GRB10: variants seen among roughly 807,000 people sequenced by gnomAD.
The protein encoded by GRB10 is growth factor receptor-bound protein 10.
A neutral mutation model predicts 80.9 loss-of-function variants in GRB10; 20 were observed. That is an observed-to-expected ratio of 0.25 (90% CI 0.17 to 0.36). The LOEUF is 0.36. Among genes scored for constraint, GRB10 ranks in the 10% least tolerant of loss-of-function variants. The pLI, the probability that GRB10 is intolerant of heterozygous loss-of-function variation, is 1.00. For synonymous variants in GRB10, 291 were observed against 291.5 expected, an observed-to-expected ratio of 1.00 and a Z score of 0.02; for missense variants, 548 against 747.7, an observed-to-expected ratio of 0.73 and a Z score of 3.12.
At chr7:50,765,314 T>C (rs1235350992) in intron 2 of GRB10, among the ~76,000 whole-genome samples, 3 of 152,204 alleles carry the variant, frequency 2.0e-5, no homozygotes, top group Non-Finnish European at 4.4e-5. Flanking sequence ...ATTTCACTGC[T>C]GGGTATATAC....
intron 7 of GRB10, among the ~76,000 whole-genome samples, chr7:50,657,131 T>C (rs1369946387): frequency 3.9e-5 from 6 of 152,236 alleles, no homozygotes; most frequent in Non-Finnish European, 7.3e-5. Context: ...ACTTATGAGA[T>C]GTTAAATAAC....
chr7:50,724,529 G>A (rs1022788335), intron 4 of GRB10, among the ~76,000 whole-genome samples: 1 of 152,204 alleles, frequency 6.6e-6, no homozygotes, highest in Non-Finnish European at 1.5e-5. Flanking sequence ...TCAACATTGT[G>A]CTACAATGAG....
chr7:50,709,291 G>A (rs1192535668), intron 4 of GRB10, among the ~76,000 whole-genome samples: 1 of 152,174 alleles, frequency 6.6e-6, no homozygotes, highest in African/African-American at 2.4e-5. Context: ...GAGGAGAATG[G>A]TTTCTGTCTG....
Position 50,732,201 on chromosome 7 carries a change from T to C in GRB10, c.51+71A>G. 1.4e-6 allele frequency: 2 copies of C among 1,475,782 alleles called. 1 individual carries two copies. Among genetic ancestry groups the C allele is most frequent in the South Asian group, 2.3e-5 (2 of 88,304 alleles). 91.4% of individuals were successfully genotyped at this position (1,475,782 alleles called of 1,614,324 possible). A position where few individuals can be genotyped will look rare whatever the true frequency, so the allele number is the denominator to read the frequency against. On this transcript the variant is annotated intron_variant, in intron 4 of 18. Coordinates refer to ENST00000401949, the MANE Select transcript of GRB10 (RefSeq NM_001350814.2). The stretch of plus-strand genomic sequence containing the variant: ...AGCTACAGAAACGATCCATGGCTGC[T>C]GGCGACATGTGTGCCCTGGCCCTCG...
At chr7:50,788,601 C>T (rs774105106) in intron 1 of GRB10, among the ~76,000 whole-genome samples, 25 of 152,284 alleles carry the variant, frequency 1.6e-4, no homozygotes, top group Middle Eastern at 3.4e-3. Context: ...GACCAACACA[C>T]GCCAAAGTGC....
rs537442112 is a variant in GRB10, at chr7:50,633,434, TA to T, written c.505-6457del. Among the ~76,000 whole-genome samples, 24 of 152,124 alleles carry T rather than the reference TA, an allele frequency of 1.6e-4. 1 individual carries two copies. The South Asian group carries it at 4.4e-3, about 28-fold the overall frequency. On this transcript the variant is annotated intron_variant, in intron 7 of 18. Coordinates refer to ENST00000401949, the MANE Select transcript of GRB10 (RefSeq NM_001350814.2). ...AGAAAAAATACCAAGCAAATGAAAG[TA>T]AATTCAAAAATAAGTAGTGACCGCT...
At chr7:50,604,268 TTTTC>T (rs984250109) in intron 16 of GRB10, 39 bp downstream of exon 16, 1 of 1,542,438 alleles carries the variant, frequency 6.5e-7, no homozygotes, top group Non-Finnish European at 9.0e-7. Context: ...TGCTGTTTGA[TTTTC>T]TTTATGTACA....
intron 17 of GRB10, among the ~76,000 whole-genome samples, chr7:50,596,123 G>A (rs116768101): frequency 0.017 from 2,513 of 152,272 alleles, 61 homozygotes; most frequent in African/African-American, 0.057. Flanking sequence ...ACGAAGGAGG[G>A]GGGATCTTCA....
chr7:50,704,847 G>A (rs2064817873), intron 4 of GRB10, among the ~76,000 whole-genome samples: 1 of 152,198 alleles, frequency 6.6e-6, no homozygotes, highest in Non-Finnish European at 1.5e-5. Context: ...CGGCCACTGA[G>A]GCATGGGAAG....
At chr7:50,594,770 G>T (rs1435834556) in intron 18 of GRB10, among the ~76,000 whole-genome samples, 1 of 152,152 alleles carries the variant, frequency 6.6e-6, no homozygotes, top group East Asian at 1.9e-4. Context: ...TAAACATCAG[G>T]CGAATCAAAC....
chr7:50,611,551 CTG>C (rs2049532706), intron 13 of GRB10, among the ~76,000 whole-genome samples: 1 of 152,196 alleles, frequency 6.6e-6, no homozygotes, highest in Admixed American at 6.5e-5. Context: ...GGAAGCCAAT[CTG>C]TGGAACTTTT....
intron 7 of GRB10, among the ~76,000 whole-genome samples, chr7:50,635,385 A>G (rs1202644713): frequency 3.3e-5 from 5 of 152,158 alleles, no homozygotes; most frequent in African/African-American, 1.2e-4. Context: ...CAGTGCTAAG[A>G]AATAAGTTTT....
chr7:50,659,807 G>GC (rs1586510427), intron 7 of GRB10, among the ~76,000 whole-genome samples: 1 of 152,214 alleles, frequency 6.6e-6, no homozygotes, highest in African/African-American at 2.4e-5. Flanking sequence ...AATGGGATCT[G>GC]CTACATGTGT....
chr7:50,637,512 A>G (rs1317553538), intron 7 of GRB10, among the ~76,000 whole-genome samples: 1 of 152,170 alleles, frequency 6.6e-6, no homozygotes, highest in East Asian at 1.9e-4. Flanking sequence ...GATTGCCACA[A>G]GGAAAACTAC....
At chr7:50,646,663 C>T (rs555000360) in intron 7 of GRB10, among the ~76,000 whole-genome samples, 21 of 152,260 alleles carry the variant, frequency 1.4e-4, no homozygotes, top group Non-Finnish European at 2.5e-4. Context: ...CACGCCCTGA[C>T]TGAATGAACC....
At chr7:50,738,031 TA>T (rs749397683) in intron 3 of GRB10, among the ~76,000 whole-genome samples, 3 of 152,074 alleles carry the variant, frequency 2.0e-5, no homozygotes, top group Non-Finnish European at 4.4e-5. Flanking sequence ...TCAACATCAC[TA>T]GTCGTTAGGG....
upstream of GRB10, among the ~76,000 whole-genome samples, chr7:50,785,945 G>C (rs936466349): frequency 3.9e-5 from 6 of 152,202 alleles, no homozygotes; most frequent in Admixed American, 2.0e-4. Flanking sequence ...TGTGTCAATA[G>C]TCAACTGTAA....
intron 2 of GRB10, among the ~76,000 whole-genome samples, chr7:50,763,623 C>A (rs565588484): frequency 6.6e-6 from 1 of 152,198 alleles, no homozygotes; most frequent in Non-Finnish European, 1.5e-5. Context: ...TGTGGCTGCC[C>A]AAATCCCTCC....
intron 1 of GRB10, among the ~76,000 whole-genome samples, chr7:50,789,856 GCTT>G (rs2078842099): frequency 6.6e-6 from 1 of 152,120 alleles, no homozygotes; most frequent in Non-Finnish European, 1.5e-5. Flanking sequence ...CCAGGAAATG[GCTT>G]CTTCTGTTGC....
Sources: allele counts gnomAD v4.1 joint callset (sites outside exome capture counted in the v4.1 genomes callset), GRCh38; gene constraint gnomAD v4.1.1; transcripts MANE v1.5; gene names NCBI Gene and HGNC (gene_info 2026-07-23, HGNC 2026-07-21).